The following DMRTB1 variants were observed in gnomAD, a reference collection of about 807,000 sequenced individuals.
DMRTB1 encodes doublesex- and mab-3-related transcription factor B1.
In DMRTB1, 9 loss-of-function variants were observed where a neutral mutation model predicts 25.2. The ratio of observed to expected loss-of-function variants is 0.36; its 90% CI spans 0.22 to 0.62. DMRTB1 has a LOEUF of 0.62. Among genes scored for constraint, DMRTB1 ranks in the 20% least tolerant of loss-of-function variants. The probability of loss-of-function intolerance (pLI) is 0.71; values close to 1 mark genes in which losing one functional copy is unlikely to be tolerated. For synonymous variants in DMRTB1, 269 were observed against 238.1 expected (o/e 1.13, Z -1.20); for missense variants, 551 against 499.3 (o/e 1.10, Z -0.99).
In DMRTB1 at chr1:53,467,085, A is replaced by G. The variant is rs528869832; in HGVS notation, c.*423A>G. On this transcript the variant is annotated 3_prime_UTR_variant, in exon 4 of 4. Transcript: ENST00000371445. ...TCCTCCAGGTTGCTGGGGGCACCAC[A>G]GACATCAAGATTCCAGTTCATCCAG... 17 of 167,344 alleles carry G rather than the reference A, an allele frequency of 1.0e-4. No individual in the cohort carries two copies. The highest frequency in any genetic ancestry group is 1.4e-4 in the Non-Finnish European group (11 of 76,864). The allele number at this position is 167,344 out of a possible 1,614,324, so 10.4% of individuals were successfully genotyped here. A position where few individuals can be genotyped will look rare whatever the true frequency, so the allele number is the denominator to read the frequency against.
intron 2 of DMRTB1, 131 bp from the exon 3 acceptor site, chr1:53,464,506 G>C (rs1557923360): frequency 7.1e-7 from 1 of 1,418,108 alleles, no homozygotes; most frequent in Non-Finnish European, 9.9e-7. Flanking sequence ...CAAATGCCCT[G>C]TGCCTGTGTG....
rs762915457 is a variant in DMRTB1, at chr1:53,464,683, C to T, written c.797C>T (p.Pro266Leu). ...TTCCAGCCAAGCTACTACCTGCCGC[C>T]GCCGCCGCCGCCACTGCCGCCCCTT... ...GDFQPSYYLP[P>L]PPPPLPPLPP... The change falls in exon 3 of 4, where the codon CCG (proline) becomes CTG (leucine). Residue 266 changes from proline (P) to leucine (L), a missense_variant. Pro to Leu is a moderately conservative substitution (Grantham distance 98). Coordinates refer to ENST00000371445, the MANE Select transcript of DMRTB1 (RefSeq NM_033067.3). 1.7e-5 allele frequency: 27 copies of T among 1,611,740 alleles called. No homozygotes were observed. Among genetic ancestry groups the T allele is most frequent in the South Asian group, 2.2e-5 (2 of 91,036 alleles).
chr1:53,461,466 T>C lies in DMRTB1; in HGVS notation c.578-7T>C. The C allele has an allele frequency of 1.3e-6, 2 of 1,570,186 alleles. No individual in the cohort carries two copies. The highest frequency in any genetic ancestry group is 1.7e-6 in the Non-Finnish European group (2 of 1,155,716). On this transcript the variant is annotated splice_region_variant and splice_polypyrimidine_tract_variant and intron_variant, in intron 1 of 3. Transcript: ENST00000371445. ...CTAACACTTCCCTCCTTGCTTGCGT[T>C]CTTTAGTGCGCCCTCTGAACATCAA...
chr1:53,459,877 A>G lies in DMRTB1; in HGVS notation c.424A>G (p.Ser142Gly), dbSNP rs747961693. Residue 142 changes from serine (S) to glycine (G), a missense_variant, in exon 1 of 4, where the codon AGC (serine) becomes GGC (glycine). Coordinates refer to ENST00000371445, the MANE Select transcript of DMRTB1 (RefSeq NM_033067.3). ...RALQPVLGGR[S>G]HVEPSERAAV... is the part of the protein sequence containing the mutation. Reference sequence around the variant, plus strand: ...CCTCCAGCCGGTTCTGGGCGGCCGCAGCCACGTGGAGCCGAGCGAGCGAGC... The same window carrying G: ...CCTCCAGCCGGTTCTGGGCGGCCGCGGCCACGTGGAGCCGAGCGAGCGAGC... 18 of 1,512,026 alleles carry G rather than the reference A, an allele frequency of 1.2e-5. No homozygotes were observed. Among genetic ancestry groups the G allele is most frequent in the Non-Finnish European group, 1.6e-5 (18 of 1,139,484 alleles). 93.7% of individuals were successfully genotyped at this position (1,512,026 alleles called of 1,614,324 possible). A position where few individuals can be genotyped will look rare whatever the true frequency, so the allele number is the denominator to read the frequency against.
chr1:53,459,641 A>C lies in DMRTB1; in HGVS notation c.188A>C (p.Glu63Ala). The C allele has an allele frequency of 6.4e-7, 1 of 1,556,568 alleles. No individual in the cohort carries two copies. The highest frequency in any genetic ancestry group is 8.7e-7 in the Non-Finnish European group (1 of 1,151,384). Residue 63 changes from glutamate (E) to alanine (A), a missense_variant, in exon 1 of 4, where the codon GAG (glutamate) becomes GCG (alanine). Transcript: ENST00000371445. ...GTGCTCAAGACGCAGGCCGCCGAGGAGGAGCAGGAGGCGGCCCTGTGTGCG... is the reference window on the plus strand; with the variant it reads ...GTGCTCAAGACGCAGGCCGCCGAGGCGGAGCAGGAGGCGGCCCTGTGTGCG... ...QKVLKTQAAE[E>A]EQEAALCAQG...
intron 2 of DMRTB1, among the ~76,000 whole-genome samples, chr1:53,462,718 G>C (rs1644028846): frequency 1.3e-5 from 2 of 152,216 alleles, no homozygotes; most frequent in South Asian, 4.1e-4. Flanking sequence ...TTACACAGCT[G>C]GTTGGTGACA....
chr1:53,461,355 T>C (rs113297105), intron 1 of DMRTB1, 118 bp from the exon 2 acceptor site: 2 of 1,082,764 alleles, frequency 1.8e-6, no homozygotes, highest in Admixed American at 2.8e-5. Flanking sequence ...CGGAAGGAAG[T>C]GCGGGGTGGG....
chr1:53,466,475 A>C, intron 3 of DMRTB1, 120 bp from the exon 4 acceptor site: 2 of 986,502 alleles, frequency 2.0e-6, no homozygotes, highest in East Asian at 4.9e-5. Flanking sequence ...TGGGTGACAG[A>C]GCGAGACTCT....
rs78326999 is a variant in DMRTB1, at chr1:53,467,242, C to T, written c.*580C>T. The T allele has an allele frequency of 0.012, 1,878 of 152,958 alleles. 46 individuals carry two copies. Among genetic ancestry groups the T allele is most frequent in the African/African-American group, 0.042 (1,756 of 41,586 alleles). The allele number at this position is 152,958 out of a possible 1,614,324, so 9.5% of individuals were successfully genotyped here. ...TCCTCTAAGGGGTTTTACTAGCAAGCATCCTGGCTGCTGGGGCTACTTCAT... is the reference window on the plus strand; with the variant it reads ...TCCTCTAAGGGGTTTTACTAGCAAGTATCCTGGCTGCTGGGGCTACTTCAT... On this transcript the variant is annotated 3_prime_UTR_variant, in exon 4 of 4. Transcript: ENST00000371445.
At chr1:53,461,827 G>C (rs1452267649) in intron 2 of DMRTB1, among the ~76,000 whole-genome samples, 182 bp downstream of exon 2, 1 of 152,214 alleles carries the variant, frequency 6.6e-6, no homozygotes, top group Non-Finnish European at 1.5e-5. Context: ...GGGAGCACAC[G>C]TGTGGACCAG....
intron 1 of DMRTB1, 117 bp downstream of exon 1, chr1:53,460,147 C>A: frequency 7.6e-7 from 1 of 1,323,570 alleles, no homozygotes; most frequent in Non-Finnish European, 9.8e-7. Context: ...GGGTAACGGA[C>A]CTTCCGCTTT....
chr1:53,465,501 C>G (rs1211071899), intron 3 of DMRTB1, among the ~76,000 whole-genome samples: 2 of 152,218 alleles, frequency 1.3e-5, no homozygotes, highest in African/African-American at 4.8e-5. Context: ...AGGGCCCTTG[C>G]AGCTTTAAAG....
chr1:53,465,715 G>A (rs1230307021), intron 3 of DMRTB1, among the ~76,000 whole-genome samples: 1 of 152,250 alleles, frequency 6.6e-6, no homozygotes, highest in Non-Finnish European at 1.5e-5. Context: ...AGTAGCTGGA[G>A]AGGTGGTTTC....
At chr1:53,463,888 G>T (rs1644036640) in intron 2 of DMRTB1, among the ~76,000 whole-genome samples, 1 of 152,222 alleles carries the variant, frequency 6.6e-6, no homozygotes, top group African/African-American at 2.4e-5. Context: ...TCTTGGTTAA[G>T]CTCTGAGTTG....
chr1:53,466,541 G>A (rs915342747), intron 3 of DMRTB1, 54 bp from the exon 4 acceptor site: 3 of 1,492,706 alleles, frequency 2.0e-6, no homozygotes, highest in Non-Finnish European at 2.8e-6. Flanking sequence ...CTGCAAATAG[G>A]TAGTTGTAAT....
chr1:53,460,260 G>C, intron 1 of DMRTB1: 2 of 552,468 alleles, frequency 3.6e-6, no homozygotes, highest in Non-Finnish European at 5.9e-6. Context: ...TTAACATTTA[G>C]CTGTAGTTTG....
chr1:53,459,678 G>A lies in DMRTB1; in HGVS notation c.225G>A (p.Lys75=). 1 of 1,540,418 alleles carries A rather than the reference G, an allele frequency of 6.5e-7. No homozygotes were observed. Among genetic ancestry groups the A allele is most frequent in the Non-Finnish European group, 8.8e-7 (1 of 1,142,852 alleles). Residue 75 remains lysine, a synonymous_variant, in exon 1 of 4, where the codon AAG becomes AAA. Coordinates refer to ENST00000371445, the MANE Select transcript of DMRTB1 (RefSeq NM_033067.3). The part of the protein sequence containing the change: ...QEAALCAQGP[K]QASGAAAAAP... ...CGGCCCTGTGTGCGCAGGGGCCCAA[G>A]CAGGCCTCCGGGGCTGCGGCCGCCG...
At position 53,460,047 on chromosome 1, in the gene DMRTB1, G is replaced by A; in HGVS notation, c.577+17G>A. On this transcript the variant is annotated intron_variant, in intron 1 of 3. Coordinates refer to ENST00000371445, the MANE Select transcript of DMRTB1 (RefSeq NM_033067.3). The stretch of plus-strand genomic sequence containing the variant: ...CCGACTTTGGTAAGTCGTGGCCTTG[G>A]TCCCGCGGTCGACTCCCGGAGCTGG... 6.5e-7 allele frequency: 1 copy of A among 1,546,486 alleles called. No individual in the cohort carries two copies. Among genetic ancestry groups the A allele is most frequent in the Non-Finnish European group, 8.7e-7 (1 of 1,154,990 alleles).
chr1:53,459,700 G>GTCGCCC lies in DMRTB1; in HGVS notation c.247_248insTCGCCC (p.Ala83delinsValAlaPro). The stretch of plus-strand genomic sequence containing the variant: ...CAAGCAGGCCTCCGGGGCTGCGGCC[G>GTCGCCC]CCGCCCCCGCCCCCGTCCCCGTCCC... On this transcript the variant is annotated protein_altering_variant, in exon 1 of 4. Coordinates refer to ENST00000371445, the MANE Select transcript of DMRTB1 (RefSeq NM_033067.3). 6.8e-7 allele frequency: 1 copy of GTCGCCC among 1,468,622 alleles called. No homozygotes were observed. The highest frequency in any genetic ancestry group is 1.3e-5 in the South Asian group (1 of 74,232). 91.0% of individuals were successfully genotyped at this position (1,468,622 alleles called of 1,614,324 possible).
Sources: gnomAD v4.1 joint callset for allele counts (sites outside exome capture counted in the v4.1 genomes callset) on GRCh38, gnomAD v4.1.1 for gene constraint, MANE v1.5 for transcripts, NCBI Gene and HGNC (gene_info 2026-07-23, HGNC 2026-07-21) for gene names.